Variants in CPEB3 observed in about 807,000 individuals in gnomAD.
The protein encoded by CPEB3 is cytoplasmic polyadenylation element binding protein 3.
In CPEB3, 20 loss-of-function variants were observed where a neutral mutation model predicts 67.2. The ratio of observed to expected loss-of-function variants is 0.30; its 90% CI spans 0.21 to 0.43. CPEB3 has a LOEUF of 0.43. CPEB3 is among the 20% of genes least tolerant of loss of function. The pLI is 1.00. For synonymous variants in CPEB3, 376 were observed against 393.1 expected (o/e 0.96, Z 0.51); for missense variants, 746 against 968.6 (o/e 0.77, Z 3.05).
chr10:92,111,545 A>G (rs546550970), intron 6 of CPEB3, among the ~76,000 whole-genome samples: 1 of 152,374 alleles, frequency 6.6e-6, no homozygotes, highest in African/African-American at 2.4e-5. Context: ...ACAAAGCTCT[A>G]GGCTGGCCAC....
chr10:92,254,167 T>A (rs1852421936), intron 1 of CPEB3, among the ~76,000 whole-genome samples: 1 of 151,692 alleles, frequency 6.6e-6, no homozygotes, highest in Non-Finnish European at 1.5e-5. Flanking sequence ...AAGTTGAGGC[T>A]GCAGTGAGCC....
chr10:92,141,756 C>T (rs1211640992), intron 6 of CPEB3, among the ~76,000 whole-genome samples: 4 of 149,032 alleles, frequency 2.7e-5, no homozygotes, highest in African/African-American at 4.9e-5. Context: ...TGGTGGCTCA[C>T]GCCTGTAATC....
chr10:92,239,984 A>T lies in CPEB3; in HGVS notation c.367T>A (p.Phe123Ile), dbSNP rs1429692605. Reference sequence around the variant, plus strand: ...TTGACTGGGGTGATCCCCTGGAAGAAGCTGTCCTCTACCGCGTTGGTGGTG... The same window carrying T: ...TTGACTGGGGTGATCCCCTGGAAGATGCTGTCCTCTACCGCGTTGGTGGTG... ...TGTTNAVEDS[F>I]FQGITPVNGT... The change falls in exon 2 of 10, where the codon TTC becomes ATC. Residue 123 changes from phenylalanine (F) to isoleucine (I), a missense_variant. Coordinates refer to ENST00000265997, the MANE Select transcript of CPEB3 (RefSeq NM_014912.5). This position sits in a 1 kb window ranked among gnomAD's most constrained non-coding sequence, Gnocchi z 6.0. The T allele has an allele frequency of 6.2e-7, 1 of 1,612,470 alleles. No homozygotes were observed. The highest frequency in any genetic ancestry group is 1.7e-5 in the Admixed American group (1 of 59,808).
At position 92,175,667 on chromosome 10, in the gene CPEB3, G is replaced by A. The variant is rs991115261; in HGVS notation, c.1222+5296C>T. 2.0e-5 allele frequency among the ~76,000 whole-genome samples: 3 copies of A among 152,164 alleles called. No homozygotes were observed. The South Asian group carries it at 6.2e-4, about 31-fold the overall frequency. ...GCACATTTGCATGTTCCAAAGTCAA[G>A]TAATAGAAAGTATTTCATCCAGAGA... On this transcript the variant is annotated intron_variant, in intron 4 of 9. Coordinates refer to ENST00000265997, the MANE Select transcript of CPEB3 (RefSeq NM_014912.5).
chr10:92,064,834 G>C (rs1287742051), intron 9 of CPEB3, among the ~76,000 whole-genome samples: 1 of 152,198 alleles, frequency 6.6e-6, no homozygotes, highest in African/African-American at 2.4e-5. Flanking sequence ...TTTAATGTGA[G>C]CTCAATATAC....
At position 92,199,901 on chromosome 10, in the gene CPEB3, G is replaced by C. The variant is rs1034374251; in HGVS notation, c.1006-7265C>G. ...CTATTTTTCTCCAAACACACAGAGA[G>C]AGAGAGAGAGAGAGAGAGAGAGAAT... is the stretch of plus-strand genomic sequence containing the variant. On this transcript the variant is annotated intron_variant, in intron 2 of 9. Coordinates refer to ENST00000265997, the MANE Select transcript of CPEB3 (RefSeq NM_014912.5). Among the ~76,000 whole-genome samples, 43 of 150,020 alleles carry C rather than the reference G, an allele frequency of 2.9e-4. 2 individuals are homozygous for C. The highest frequency in any genetic ancestry group is 2.3e-3 in the South Asian group (11 of 4,754).
intron 2 of CPEB3, among the ~76,000 whole-genome samples, chr10:92,205,190 T>C (rs1649955920): frequency 6.6e-6 from 1 of 152,228 alleles, no homozygotes; most frequent in African/African-American, 2.4e-5. Context: ...ACTGCTTTCA[T>C]GCTAAACCTA....
chr10:92,128,038 T>C (rs1180936040), intron 6 of CPEB3, among the ~76,000 whole-genome samples: 1 of 152,222 alleles, frequency 6.6e-6, no homozygotes, highest in Non-Finnish European at 1.5e-5. Flanking sequence ...ATGTCCAAAT[T>C]AGCTAAAACT....
chr10:92,128,241 T>C (rs1487294239), intron 6 of CPEB3, among the ~76,000 whole-genome samples: 1 of 152,230 alleles, frequency 6.6e-6, no homozygotes, highest in Non-Finnish European at 1.5e-5. Flanking sequence ...GTATCCAATC[T>C]TTTGGCTTCC....
intron 2 of CPEB3, among the ~76,000 whole-genome samples, chr10:92,219,879 C>T (rs915691696): frequency 2.0e-5 from 3 of 152,238 alleles, no homozygotes; most frequent in Middle Eastern, 3.4e-3. Flanking sequence ...ATCTCCAGGC[C>T]GGGCATGGTG....
At chr10:92,068,121 G>T (rs1402258589) in intron 9 of CPEB3, among the ~76,000 whole-genome samples, 1 of 152,156 alleles carries the variant, frequency 6.6e-6, no homozygotes, top group Non-Finnish European at 1.5e-5. Flanking sequence ...GGGCTTCTGT[G>T]TCAATGCCTC....
At position 92,243,934 on chromosome 10, in the gene CPEB3, T is replaced by TC. The variant is rs1851952185; in HGVS notation, c.-11-3574dup. Among the ~76,000 whole-genome samples the TC allele has an allele frequency of 6.6e-5, 10 of 152,322 alleles. No individual in the cohort carries two copies. In the South Asian group the frequency reaches 2.1e-3, roughly 32 times the overall value. ...TGTACCTGATAAGCTCTGAACCAACTCACCTCCTTATTTTTACTTGTCAAA... is the reference window on the plus strand; with the variant it reads ...TGTACCTGATAAGCTCTGAACCAACTCCACCTCCTTATTTTTACTTGTCAAA... On this transcript the variant is annotated intron_variant, in intron 1 of 9. Transcript: ENST00000265997.
chr10:92,084,392 T>C (rs773461285), intron 8 of CPEB3, among the ~76,000 whole-genome samples: 4 of 152,156 alleles, frequency 2.6e-5, no homozygotes, highest in Non-Finnish European at 4.4e-5. Flanking sequence ...TATGAACTTA[T>C]ATGTAGTTGC....
intron 1 of CPEB3, among the ~76,000 whole-genome samples, chr10:92,257,269 C>T (rs1332122418): frequency 6.6e-6 from 1 of 152,164 alleles, no homozygotes. Context: ...GAAGGCATAA[C>T]ATTGATTTTG....
chr10:92,098,550 C>T (rs1843656079), intron 7 of CPEB3, among the ~76,000 whole-genome samples: 1 of 152,078 alleles, frequency 6.6e-6, no homozygotes, highest in South Asian at 2.1e-4. Flanking sequence ...ATTCAACCAC[C>T]TCAGTGTGAA....
rs899626872 is a variant in CPEB3, at chr10:92,047,199, AAAAC to A, written c.*5009_*5012del. Reference sequence around the variant, plus strand: ...GTATAAAGTCAACAGCATTAATTATAAAACACTCTGTGGTAAGATGGAACACTAT... The same window carrying A: ...GTATAAAGTCAACAGCATTAATTATAACTCTGTGGTAAGATGGAACACTAT... On this transcript the variant is annotated 3_prime_UTR_variant, in exon 10 of 10. Coordinates refer to ENST00000265997, the MANE Select transcript of CPEB3 (RefSeq NM_014912.5). 1.3e-5 allele frequency: 2 copies of A among 152,208 alleles called. No homozygotes were observed. Among genetic ancestry groups the A allele is most frequent in the African/African-American group, 4.8e-5 (2 of 41,442 alleles). The allele number at this position is 152,208 out of a possible 1,614,324, so 9.4% of individuals were successfully genotyped here. A position where few individuals can be genotyped will look rare whatever the true frequency, so the allele number is the denominator to read the frequency against.
chr10:92,240,830 C>G (rs1375797928), intron 1 of CPEB3, among the ~76,000 whole-genome samples: 1 of 151,712 alleles, frequency 6.6e-6, no homozygotes, highest in Non-Finnish European at 1.5e-5. Context: ...ACGACCCTTT[C>G]TTCTCCCTTC....
intron 2 of CPEB3, among the ~76,000 whole-genome samples, chr10:92,222,100 C>A (rs1850730935): frequency 6.6e-6 from 1 of 152,086 alleles, no homozygotes; most frequent in African/African-American, 2.4e-5. Context: ...ATCCACAGCA[C>A]ATTCAACAGC....
chr10:92,208,033 G>C (rs1343253298), intron 2 of CPEB3, among the ~76,000 whole-genome samples: 6 of 152,226 alleles, frequency 3.9e-5, no homozygotes, highest in African/African-American at 1.4e-4. Flanking sequence ...GTTGAAGTAG[G>C]ATAGGGTATC....
Sources: allele counts gnomAD v4.1 joint callset (sites outside exome capture counted in the v4.1 genomes callset), GRCh38; gene constraint gnomAD v4.1.1; non-coding constraint Gnocchi (gnomAD v3.1); transcripts MANE v1.5; gene names NCBI Gene and HGNC (gene_info 2026-07-23, HGNC 2026-07-21).